IKBKE: variants seen among roughly 807,000 people sequenced by gnomAD.
IKBKE encodes the protein inhibitor of nuclear factor kappa B kinase subunit epsilon.
Under a neutral mutation model 92.1 loss-of-function variants are expected in IKBKE, and 45 were observed. That is an observed-to-expected ratio of 0.49 (90% CI 0.38 to 0.63). IKBKE has a LOEUF of 0.63. Among genes scored for constraint, IKBKE ranks in the 20% least tolerant of loss-of-function variants. The pLI is 0.00. For missense variants in IKBKE, 700 were observed against 932.8 expected, an observed-to-expected ratio of 0.75 and a Z score of 3.25; for synonymous variants, 374 against 380.3, an observed-to-expected ratio of 0.98 and a Z score of 0.19.
rs1371618905 is a variant in IKBKE, at chr1:206,496,675, A to G, written c.*530A>G. On this transcript the variant is annotated 3_prime_UTR_variant, in exon 22 of 22. Transcript: ENST00000581977. The stretch of plus-strand genomic sequence containing the variant: ...CCACTGCCAGCCTCAGGCAACATAG[A>G]GAGCCTCCTGTTCTTTCTATGCTTG... 4.3e-6 allele frequency: 1 copy of G among 234,000 alleles called. No homozygotes were observed. Among genetic ancestry groups the G allele is most frequent in the Non-Finnish European group, 8.4e-6 (1 of 118,620 alleles). 14.5% of individuals were successfully genotyped at this position (234,000 alleles called of 1,614,324 possible).
At chr1:206,491,073 T>C (rs1665928221) in intron 17 of IKBKE, 1 of 610,616 alleles carries the variant, frequency 1.6e-6, no homozygotes, top group Non-Finnish European at 2.9e-6. Flanking sequence ...AGTAACTGGA[T>C]TTACTTCTGG....
At position 206,476,964 on chromosome 1, in the gene IKBKE, C is replaced by T. The variant is rs1665102434; in HGVS notation, c.701+126C>T. 3.0e-6 allele frequency: 3 copies of T among 1,009,588 alleles called. No individual in the cohort carries two copies. Among genetic ancestry groups the T allele is most frequent in the Middle Eastern group, 6.2e-4 (2 of 3,230 alleles). 62.5% of individuals were successfully genotyped at this position (1,009,588 alleles called of 1,614,324 possible). A position where few individuals can be genotyped will look rare whatever the true frequency, so the allele number is the denominator to read the frequency against. ...GCCCTCCTCTGGTCCACCCCCCAAC[C>T]CAGGCTCTTTGTAGATCTTTTTTTG... is the stretch of plus-strand genomic sequence containing the variant. On this transcript the variant is annotated intron_variant, in intron 7 of 21. Transcript: ENST00000581977. This position sits in a 1 kb window ranked among gnomAD's most constrained non-coding sequence, Gnocchi z 5.1.
At chr1:206,481,928 C>T (rs1053587093) in intron 13 of IKBKE, among the ~76,000 whole-genome samples, 96 of 151,522 alleles carry the variant, frequency 6.3e-4, no homozygotes, top group African/African-American at 1.7e-3. Context: ...TACAGGTGCC[C>T]GCCACTACGC....
intron 3 of IKBKE, 57 bp downstream of exon 3, chr1:206,473,371 C>T (rs1346914487): frequency 3.8e-6 from 5 of 1,317,318 alleles, no homozygotes; most frequent in Non-Finnish European, 5.3e-6. Flanking sequence ...CCTCATGCCT[C>T]AGAAGCTGGC....
Position 206,496,133 on chromosome 1 carries a change from T to A in IKBKE, c.2139T>A (p.Pro713=). The change falls in exon 22 of 22, where the codon CCT becomes CCA. Residue 713 remains proline, a synonymous_variant. Coordinates refer to ENST00000581977, the MANE Select transcript of IKBKE (RefSeq NM_014002.4). ...GTAGGCTAAATAGAGTCCCAGCACC[T>A]CCTGATGTCTGAGCTCCATGGGGCA... ...IIERLNRVPA[P]PDV is the part of the protein sequence containing the mutation. 6.2e-7 allele frequency: 1 copy of A among 1,613,290 alleles called. No individual in the cohort carries two copies. Among genetic ancestry groups the A allele is most frequent in the East Asian group, 2.2e-5 (1 of 44,866 alleles).
At chr1:206,474,811 T>C (rs1553384780) in intron 4 of IKBKE, 54 bp from the exon 5 acceptor site, 3 of 1,594,876 alleles carry the variant, frequency 1.9e-6, no homozygotes, top group Non-Finnish European at 2.6e-6. Flanking sequence ...TTCTTCCTGG[T>C]GGGTGGGGAG....
chr1:206,496,066 G>C lies in IKBKE; in HGVS notation c.2118-46G>C, dbSNP rs41299892. The C allele has an allele frequency of 1.1e-3, 1,610 of 1,529,986 alleles. 15 individuals are homozygous for C. In the African/African-American group the frequency reaches 0.019, roughly 18 times the overall value. The allele number at this position is 1,529,986 out of a possible 1,614,324, so 94.8% of individuals were successfully genotyped here. On this transcript the variant is annotated intron_variant, in intron 21 of 21. Coordinates refer to ENST00000581977, the MANE Select transcript of IKBKE (RefSeq NM_014002.4). ...CTGGGCCCTGGAGTGTGGTCTGCAG[G>C]CCTCTCCAACAGGTGGGCACTGCTA...
chr1:206,476,591 C>A lies in IKBKE; in HGVS notation c.541-87C>A. 1 of 1,492,160 alleles carries A rather than the reference C, an allele frequency of 6.7e-7. No individual in the cohort carries two copies. The highest frequency in any genetic ancestry group is 1.2e-5 in the South Asian group (1 of 83,582). 92.4% of individuals were successfully genotyped at this position (1,492,160 alleles called of 1,614,324 possible). ...AAGGATTTGAACAGTTCTGTTTTCA[C>A]CTGCAGGCGGTGAAAGGGGGTCTGA... On this transcript the variant is annotated intron_variant, in intron 6 of 21. Coordinates refer to ENST00000581977, the MANE Select transcript of IKBKE (RefSeq NM_014002.4). This position sits in a 1 kb window ranked among gnomAD's most constrained non-coding sequence, Gnocchi z 5.1.
intron 20 of IKBKE, among the ~76,000 whole-genome samples, chr1:206,493,716 G>A (rs1666074754): frequency 6.6e-6 from 1 of 152,232 alleles, no homozygotes; most frequent in South Asian, 2.1e-4. Context: ...TTGAATCCAG[G>A]AGGCAGAGGT....
At chr1:206,475,212 G>A (rs1207427301) in intron 5 of IKBKE, 5 of 541,498 alleles carry the variant, frequency 9.2e-6, no homozygotes, top group Non-Finnish European at 1.6e-5. Context: ...AAATGTGGGA[G>A]GTACCTAAAA....
chr1:206,486,418 C>T (rs1247589092), intron 15 of IKBKE, among the ~76,000 whole-genome samples: 8 of 140,118 alleles, frequency 5.7e-5, no homozygotes, highest in Non-Finnish European at 1.2e-4. Flanking sequence ...GGCTGAGGAT[C>T]GAGGTCCTGT....
Position 206,493,116 on chromosome 1 carries a change from C to A in IKBKE, c.1929C>A (p.Ser643Arg). 1.3e-6 allele frequency: 2 copies of A among 1,588,744 alleles called. No individual in the cohort carries two copies. Among genetic ancestry groups the A allele is most frequent in the Non-Finnish European group, 1.7e-6 (2 of 1,168,616 alleles). Residue 643 changes from serine to arginine, a missense_variant, in exon 19 of 22, where the codon AGC becomes AGA. By Grantham distance (110) the Ser-to-Arg change is moderately radical. Coordinates refer to ENST00000581977, the MANE Select transcript of IKBKE (RefSeq NM_014002.4). ...TEAQGVQESL[S>R]KLLEELSHQL... is the part of the protein sequence containing the mutation. The stretch of plus-strand genomic sequence containing the variant: ...CCCAGGGGGTCCAGGAGAGTCTCAG[C>A]AAGGTGGGCATGGCAGAAGGATTCT...
rs554241783 is a variant in IKBKE, at chr1:206,490,049, G to A, written c.1694-770G>A. Among the ~76,000 whole-genome samples, 1 of 152,258 alleles carries A rather than the reference G, an allele frequency of 6.6e-6. No individual in the cohort carries two copies. Among genetic ancestry groups the A allele is most frequent in the South Asian group, 2.1e-4 (1 of 4,818 alleles). The stretch of plus-strand genomic sequence containing the variant: ...CAGGCTCAGCGAAGTGAAATCACTC[G>A]CCTAGTGCCGCCTGCCAACAGGAGG... On this transcript the variant is annotated intron_variant, in intron 16 of 21. Coordinates refer to ENST00000581977, the MANE Select transcript of IKBKE (RefSeq NM_014002.4). This position sits in a 1 kb window ranked among gnomAD's most constrained non-coding sequence, Gnocchi z 5.2.
chr1:206,472,110 T>G (rs1247052203), intron 2 of IKBKE, among the ~76,000 whole-genome samples: 3 of 152,124 alleles, frequency 2.0e-5, no homozygotes, highest in South Asian at 4.1e-4. Flanking sequence ...GACAGCCAGG[T>G]GTGGTGGTGC....
intron 13 of IKBKE, among the ~76,000 whole-genome samples, chr1:206,481,377 G>A (rs1665378774): frequency 6.6e-6 from 1 of 152,204 alleles, no homozygotes; most frequent in Non-Finnish European, 1.5e-5. Flanking sequence ...CCCAGCTGTG[G>A]GCTGACTCAT....
rs2103461328 is a variant in IKBKE at position 206,479,087 on chromosome 1, G to A, written c.1137G>A (p.Leu379=). Residue 379 remains leucine (L), a synonymous_variant, in exon 10 of 22, where the codon CTG becomes CTA. Coordinates refer to ENST00000581977, the MANE Select transcript of IKBKE (RefSeq NM_014002.4). ...CCCACACGACGGCAAGCAGCCCCCT[G>A]ACCCTCTTCAGCACAGCCATCCCTA... ...HIAHTTASSP[L]TLFSTAIPKG... is the part of the protein sequence containing the mutation. 6.2e-7 allele frequency: 1 copy of A among 1,613,212 alleles called. No individual in the cohort carries two copies. Among genetic ancestry groups the A allele is most frequent in the Non-Finnish European group, 8.5e-7 (1 of 1,179,834 alleles).
At chr1:206,471,482 C>T (rs1179864575) in intron 2 of IKBKE, among the ~76,000 whole-genome samples, 6 of 152,124 alleles carry the variant, frequency 3.9e-5, no homozygotes, top group African/African-American at 1.4e-4. Flanking sequence ...AGGGGCACAC[C>T]GCTTGTCTGG....
chr1:206,493,779 A>T (rs1348962454), intron 20 of IKBKE, 141 bp from the exon 21 acceptor site: 3 of 633,888 alleles, frequency 4.7e-6, no homozygotes, highest in Non-Finnish European at 5.4e-6. Context: ...AAGGAGCAAG[A>T]CTCCGTCTCA....
chr1:206,491,529 C>G, intron 17 of IKBKE, 119 bp from the exon 18 acceptor site: 1 of 684,082 alleles, frequency 1.5e-6, no homozygotes, highest in Non-Finnish European at 2.7e-6. Flanking sequence ...CTGCTGTGGA[C>G]GCAGGGCTTG....
Sources: allele counts gnomAD v4.1 joint callset (sites outside exome capture counted in the v4.1 genomes callset), GRCh38; gene constraint gnomAD v4.1.1; non-coding constraint Gnocchi (gnomAD v3.1); transcripts MANE v1.5; gene names NCBI Gene and HGNC (gene_info 2026-07-23, HGNC 2026-07-21).